Variants in SULT1C3 observed in about 807,000 individuals in gnomAD.
SULT1C3 encodes sulfotransferase family 1C member 3.
In SULT1C3, 31 loss-of-function variants were observed where a neutral mutation model predicts 28.4. The observed-to-expected ratio is 1.09, with a 90% CI of 0.82 to 1.47. The LOEUF (loss-of-function observed/expected upper bound fraction) is 1.47, where lower values mean the gene tolerates loss of function less well. SULT1C3 is among the 40% of genes most tolerant of loss of function. SULT1C3 has a pLI of 0.00. For missense variants in SULT1C3, 307 were observed against 272.5 expected (o/e 1.13, Z -0.89); for synonymous variants, 106 against 92.2 (o/e 1.15, Z -0.86).
At chr2:108,249,593 A>G (rs1174278673) in intron 2 of SULT1C3, among the ~76,000 whole-genome samples, 1 of 152,086 alleles carries the variant, frequency 6.6e-6, no homozygotes, top group Non-Finnish European at 1.5e-5. Context: ...TGAAAGTGAA[A>G]ACACTACGGA....
chr2:108,249,361 G>A lies in SULT1C3; in HGVS notation c.172+1995G>A, dbSNP rs1675671459. Among the ~76,000 whole-genome samples the A allele has an allele frequency of 2.6e-5, 4 of 152,088 alleles. No homozygotes were observed. In the South Asian group the frequency reaches 8.3e-4, roughly 32 times the overall value. ...TTTCTCTGACAGCGAAAAGCTGAAT[G>A]TGTTGCCCGCACAGCTGCACTAAAA... On this transcript the variant is annotated intron_variant, in intron 2 of 7. Transcript: ENST00000681802.
chr2:108,249,229 A>G (rs1475874680), intron 2 of SULT1C3, among the ~76,000 whole-genome samples: 2 of 152,100 alleles, frequency 1.3e-5, no homozygotes, highest in Non-Finnish European at 2.9e-5. Flanking sequence ...GTTTTAACTC[A>G]TGAAGCTTGT....
chr2:108,254,711 ATGTATGTATATATATGTATATATG>A (rs1675818241), intron 4 of SULT1C3, among the ~76,000 whole-genome samples: 1 of 151,080 alleles, frequency 6.6e-6, no homozygotes, highest in Non-Finnish European at 1.5e-5. Flanking sequence ...GTATATATAT[ATGTATGTATATATATGTATATATG>A]TATGTATGCA....
intron 2 of SULT1C3, among the ~76,000 whole-genome samples, chr2:108,252,001 G>T (rs753620570): frequency 3.9e-5 from 6 of 151,930 alleles, no homozygotes; most frequent in Non-Finnish European, 7.4e-5. Context: ...TGTAGAAATG[G>T]TTCACTCAAA....
chr2:108,253,410 A>C lies in SULT1C3; in HGVS notation c.367A>C (p.Ile123Leu). The change falls in exon 4 of 8, where the codon ATT (isoleucine) becomes CTT (leucine). Residue 123 changes from isoleucine (I) to leucine (L), a missense_variant. Physicochemically the swap from Ile to Leu is conservative, Grantham distance 5. Coordinates refer to ENST00000681802, the MANE Select transcript of SULT1C3 (RefSeq NM_001320878.2). ...LIKTHLPSHL[I>L]PPSIWKENCK... ...AAAAACACATCTCCCTTCACATCTG[A>C]TTCCACCATCTATCTGGAAAGAAAA... 1.3e-6 allele frequency: 2 copies of C among 1,565,144 alleles called. No individual in the cohort carries two copies. Among genetic ancestry groups the C allele is most frequent in the Non-Finnish European group, 1.7e-6 (2 of 1,155,134 alleles).
At chr2:108,248,021 T>C (rs1439217273) in intron 2 of SULT1C3, among the ~76,000 whole-genome samples, 1 of 152,210 alleles carries the variant, frequency 6.6e-6, no homozygotes, top group African/African-American at 2.4e-5. Context: ...CTCTTGGGAA[T>C]AGAATATGCA....
chr2:108,247,753 A>G (rs1047692664), intron 2 of SULT1C3, among the ~76,000 whole-genome samples: 2 of 152,110 alleles, frequency 1.3e-5, no homozygotes, highest in Non-Finnish European at 2.9e-5. Context: ...ATTAAACACA[A>G]ATTGATTTTC....
intron 2 of SULT1C3, among the ~76,000 whole-genome samples, chr2:108,249,679 T>C (rs1675681144): frequency 6.6e-6 from 1 of 152,110 alleles, no homozygotes; most frequent in African/African-American, 2.4e-5. Flanking sequence ...ATTTTTAAGA[T>C]ATCAACTGTT....
At chr2:108,248,072 T>C (rs1273551137) in intron 2 of SULT1C3, among the ~76,000 whole-genome samples, 1 of 152,126 alleles carries the variant, frequency 6.6e-6, no homozygotes, top group Admixed American at 6.6e-5. Context: ...GAGTAAGTGA[T>C]CAGTATATAT....
chr2:108,246,726 T>C (rs954688750), intron 1 of SULT1C3, among the ~76,000 whole-genome samples: 1 of 152,226 alleles, frequency 6.6e-6, no homozygotes, highest in African/African-American at 2.4e-5. Flanking sequence ...TATAGAATGC[T>C]CCTTAAAACC....
At chr2:108,248,074 A>G (rs1038346849) in intron 2 of SULT1C3, among the ~76,000 whole-genome samples, 1 of 152,208 alleles carries the variant, frequency 6.6e-6, no homozygotes, top group African/African-American at 2.4e-5. Flanking sequence ...GTAAGTGATC[A>G]GTATATATTC....
At chr2:108,247,507 AT>A in intron 2 of SULT1C3, 141 bp downstream of exon 2, 1 of 777,326 alleles carries the variant, frequency 1.3e-6, no homozygotes, top group Non-Finnish European at 1.9e-6. Flanking sequence ...GCTGCAGGAC[AT>A]TTAGCATTCC....
intron 1 of SULT1C3, among the ~76,000 whole-genome samples, chr2:108,242,892 G>A (rs186754965): frequency 7.5e-4 from 114 of 152,180 alleles, no homozygotes; most frequent in Admixed American, 4.1e-3. Flanking sequence ...TAATTCAGTC[G>A]ACTGAGAGGA....
At position 108,258,724 on chromosome 2, in the gene SULT1C3, C is replaced by G. The variant is rs768092911; in HGVS notation, c.527-10C>G. 2.5e-6 allele frequency: 4 copies of G among 1,609,468 alleles called. No homozygotes were observed. Among genetic ancestry groups the G allele is most frequent in the Non-Finnish European group, 3.4e-6 (4 of 1,176,974 alleles). On this transcript the variant is annotated splice_polypyrimidine_tract_variant and intron_variant, in intron 5 of 7. Transcript: ENST00000681802. ...GTACTGGGAACTAACAGTGCTCTGA[C>G]TTCTTCCAGTTGTTGGCGGGTCCTG...
At chr2:108,263,382 G>GA (rs1369363449), downstream of SULT1C3, among the ~76,000 whole-genome samples, 1 of 152,096 alleles carries the variant, frequency 6.6e-6, no homozygotes, top group Non-Finnish European at 1.5e-5. Context: ...ACTGAATACT[G>GA]AAACAGTTGT....
At chr2:108,254,782 T>A in intron 4 of SULT1C3, among the ~76,000 whole-genome samples, 2 of 151,266 alleles carry the variant, frequency 1.3e-5, no homozygotes, top group South Asian at 4.2e-4. Context: ...TGCATATATA[T>A]GTATATATGT....
intron 5 of SULT1C3, among the ~76,000 whole-genome samples, chr2:108,256,142 A>T (rs925479198): frequency 6.6e-6 from 1 of 151,976 alleles, no homozygotes; most frequent in Admixed American, 6.6e-5. Flanking sequence ...ACAATCTTAG[A>T]CCTGTTCACC....
intron 1 of SULT1C3, among the ~76,000 whole-genome samples, chr2:108,241,058 A>C (rs1453409205): frequency 6.6e-6 from 1 of 152,198 alleles, no homozygotes; most frequent in Non-Finnish European, 1.5e-5. Flanking sequence ...CAAGATCAAC[A>C]TGGAGTTAGT....
chr2:108,244,446 G>A (rs1458184027), intron 1 of SULT1C3, among the ~76,000 whole-genome samples: 3 of 152,142 alleles, frequency 2.0e-5, no homozygotes, highest in East Asian at 3.8e-4. Flanking sequence ...ATGAGGTATC[G>A]CCTCTCTTCC....
Sources: gnomAD v4.1 joint callset for allele counts (sites outside exome capture counted in the v4.1 genomes callset) on GRCh38, gnomAD v4.1.1 for gene constraint, MANE v1.5 for transcripts, NCBI Gene and HGNC (gene_info 2026-07-23, HGNC 2026-07-21) for gene names.